PPIA: variants seen among roughly 807,000 people sequenced by gnomAD.
PPIA encodes peptidylprolyl isomerase A, also known as peptidyl-prolyl cis-trans isomerase A.
PPIA carries 2 observed loss-of-function variants against 15.3 expected under a neutral mutation model. The ratio of observed to expected loss-of-function variants is 0.13; its 90% CI spans 0.05 to 0.41. The LOEUF is 0.41. Among genes scored for constraint, PPIA ranks in the 10% least tolerant of loss-of-function variants. The probability of loss-of-function intolerance (pLI) is 0.99; values close to 1 mark genes in which losing one functional copy is unlikely to be tolerated. For missense variants in PPIA, 103 were observed against 210.3 expected (o/e 0.49, Z 3.16); for synonymous variants, 67 against 73.1 (o/e 0.92, Z 0.43).
rs1204832464 is a variant in PPIA at position 44,796,797 on chromosome 7, G to A, written c.69+4G>A. On this transcript the variant is annotated splice_donor_region_variant and intron_variant, in intron 1 of 4. Coordinates refer to ENST00000468812, the MANE Select transcript of PPIA (RefSeq NM_021130.5). ...CTTGGGCCGCGTCTCCTTTGAGGTC[G>A]GGCGGGCGGCGGCGTGCGGGAATGG... 6.2e-7 allele frequency: 1 copy of A among 1,604,010 alleles called. No individual in the cohort carries two copies. The highest frequency in any genetic ancestry group is 1.4e-5 in the African/African-American group (1 of 73,396).
rs988487824 is a variant in PPIA at position 44,802,706 on chromosome 7, CA to C, written c.*1287del. On this transcript the variant is annotated 3_prime_UTR_variant, in exon 5 of 5. Coordinates refer to ENST00000468812, the MANE Select transcript of PPIA (RefSeq NM_021130.5). ...TGGTTATGGAGGCTTTGAGGTTTTG[CA>C]AACCTGACCAATTTAAGCCATAAGA... The C allele has an allele frequency of 2.4e-4, 36 of 152,180 alleles. No individual in the cohort carries two copies. The highest frequency in any genetic ancestry group is 8.2e-4 in the African/African-American group (34 of 41,444). The allele number at this position is 152,180 out of a possible 1,614,324, so 9.4% of individuals were successfully genotyped here.
chr7:44,797,862 G>T (rs1361481457), intron 1 of PPIA: 1 of 152,136 alleles, frequency 6.6e-6, no homozygotes, highest in Non-Finnish European at 1.5e-5. Context: ...ATCTTATTCC[G>T]AAAATAGATT....
At chr7:44,801,168 A>T in intron 4 of PPIA, 119 bp from the exon 5 acceptor site, 1 of 1,151,930 alleles carries the variant, frequency 8.7e-7, no homozygotes, top group Non-Finnish European at 1.2e-6. Context: ...AATGACATTT[A>T]GTACAAAAGG....
rs1043597514 is a variant in PPIA, at chr7:44,801,628, A to G, written c.*206A>G. On this transcript the variant is annotated 3_prime_UTR_variant, in exon 5 of 5. Coordinates refer to ENST00000468812, the MANE Select transcript of PPIA (RefSeq NM_021130.5). ...ATTATGAAATAAAAACTAAATAACA[A>G]TTGTCCTCGTTTGAGTTAAGAGTGT... 1.3e-5 allele frequency: 6 copies of G among 477,914 alleles called. No individual in the cohort carries two copies. Among genetic ancestry groups the G allele is most frequent in the African/African-American group, 6.1e-5 (3 of 48,826 alleles). 29.6% of individuals were successfully genotyped at this position (477,914 alleles called of 1,614,324 possible). A position where few individuals can be genotyped will look rare whatever the true frequency, so the allele number is the denominator to read the frequency against.
intron 4 of PPIA, 119 bp downstream of exon 4, chr7:44,799,993 TAC>T: frequency 1.9e-6 from 2 of 1,033,870 alleles, no homozygotes; most frequent in Non-Finnish European, 2.9e-6. Flanking sequence ...ATCCCTAAGA[TAC>T]TAGAAGAAGA....
intron 4 of PPIA, among the ~76,000 whole-genome samples, chr7:44,800,919 G>A (rs1443559220): frequency 2.0e-5 from 3 of 152,050 alleles, no homozygotes; most frequent in Non-Finnish European, 2.9e-5. Context: ...CCAGGTTCAC[G>A]CCATTCTCCT....
At chr7:44,799,589 T>A in intron 3 of PPIA, 109 bp downstream of exon 3, 1 of 1,574,364 alleles carries the variant, frequency 6.4e-7, no homozygotes, top group Non-Finnish European at 8.7e-7. Flanking sequence ...CCATTTCGGT[T>A]CTATTTAACC....
chr7:44,799,413 C>G lies in PPIA; in HGVS notation c.122C>G (p.Thr41Ser). ...KTAENFRALSTGEKGFGYKGS... is the reference protein window; with the variant it reads ...KTAENFRALSSGEKGFGYKGS... The stretch of plus-strand genomic sequence containing the variant: ...ACAGAAAATTTTCGTGCTCTGAGCA[C>G]TGGAGAGAAAGGATTTGGTTATAAG... The change falls in exon 3 of 5, where the codon ACT becomes AGT. Residue 41 changes from threonine to serine, a missense_variant. Physicochemically the swap from Thr to Ser is moderately conservative, Grantham distance 58. Transcript: ENST00000468812. 6.2e-7 allele frequency: 1 copy of G among 1,612,950 alleles called. No individual in the cohort carries two copies. The highest frequency in any genetic ancestry group is 1.1e-5 in the South Asian group (1 of 91,060).
At chr7:44,797,614 C>T (rs1232164704) in intron 1 of PPIA, among the ~76,000 whole-genome samples, 6 of 152,152 alleles carry the variant, frequency 3.9e-5, no homozygotes, top group Admixed American at 6.5e-5. Flanking sequence ...AGGCCTCTTC[C>T]GACCAAGGTG....
intron 1 of PPIA, among the ~76,000 whole-genome samples, chr7:44,797,461 C>T (rs926978402): frequency 8.5e-5 from 13 of 152,130 alleles, no homozygotes; most frequent in African/African-American, 3.1e-4. Context: ...CACCCCCAAG[C>T]GGAAATGTGA....
intron 2 of PPIA, 21 bp from the exon 3 acceptor site, chr7:44,799,371 G>C (rs1275496151): frequency 6.2e-7 from 1 of 1,608,914 alleles, no homozygotes; most frequent in East Asian, 2.2e-5. Flanking sequence ...GTATATATGT[G>C]TTTAATTTTT....
intron 1 of PPIA, chr7:44,797,918 C>G (rs1264310979): frequency 6.6e-6 from 1 of 152,188 alleles, no homozygotes; most frequent in Non-Finnish European, 1.5e-5. Context: ...TCCTTGTTGC[C>G]TACCCTGTCC....
chr7:44,800,051 A>T, intron 4 of PPIA, 177 bp downstream of exon 4: 1 of 680,198 alleles, frequency 1.5e-6, no homozygotes. Flanking sequence ...AGAATGTCAG[A>T]TACTATGATA....
rs546503585 is a variant in PPIA, at chr7:44,802,966, C to G, written c.*1544C>G. The G allele has an allele frequency of 6.6e-5, 10 of 152,298 alleles. No homozygotes were observed. Among genetic ancestry groups the G allele is most frequent in the African/African-American group, 2.4e-4 (10 of 41,548 alleles). The allele number at this position is 152,298 out of a possible 1,614,324, so 9.4% of individuals were successfully genotyped here. On this transcript the variant is annotated 3_prime_UTR_variant, in exon 5 of 5. Coordinates refer to ENST00000468812, the MANE Select transcript of PPIA (RefSeq NM_021130.5). ...TTTTTGTTTTACTGTCTGGTTCCTT[C>G]TGCGTGAATTACCACCACCACCACT... is the stretch of plus-strand genomic sequence containing the variant.
Position 44,801,653 on chromosome 7 carries a change from T to C in PPIA, c.*231T>C. ...ATTGTCCTCGTTTGAGTTAAGAGTG[T>C]TGATGTAGGCTTTATTTTAAGCAGT... is the stretch of plus-strand genomic sequence containing the variant. On this transcript the variant is annotated 3_prime_UTR_variant, in exon 5 of 5. Coordinates refer to ENST00000468812, the MANE Select transcript of PPIA (RefSeq NM_021130.5). 1 of 414,422 alleles carries C rather than the reference T, an allele frequency of 2.4e-6. No homozygotes were observed. The highest frequency in any genetic ancestry group is 4.4e-6 in the Non-Finnish European group (1 of 226,104). The allele number at this position is 414,422 out of a possible 1,614,324, so 25.7% of individuals were successfully genotyped here.
rs759713152 is a variant in PPIA at position 44,796,690 on chromosome 7, A to T, written c.-35A>T. On this transcript the variant is annotated 5_prime_UTR_variant, in exon 1 of 5. Coordinates refer to ENST00000468812, the MANE Select transcript of PPIA (RefSeq NM_021130.5). Reference sequence around the variant, plus strand: ...AGGCCAGGCTCGTGCCGTTTTGCAGACGCCACCGCCGAGGAAAACCGTGTA... The same window carrying T: ...AGGCCAGGCTCGTGCCGTTTTGCAGTCGCCACCGCCGAGGAAAACCGTGTA... The T allele has an allele frequency of 2.5e-6, 4 of 1,603,798 alleles. No homozygotes were observed. The African/African-American group carries it at 4.0e-5, about 16-fold the overall frequency.
intron 4 of PPIA, 60 bp downstream of exon 4, chr7:44,799,934 A>G (rs1792495459): frequency 6.5e-7 from 1 of 1,528,972 alleles, no homozygotes; most frequent in Non-Finnish European, 9.0e-7. Context: ...CCTGGGGGGA[A>G]CGGAACAAAC....
intron 2 of PPIA, 43 bp downstream of exon 2, chr7:44,799,320 A>G (rs1583690598): frequency 6.2e-7 from 1 of 1,610,046 alleles, no homozygotes; most frequent in African/African-American, 1.3e-5. Context: ...TCCAATTGTG[A>G]CAGTTTGTGT....
At position 44,800,934 on chromosome 7, in the gene PPIA, C is replaced by T. The variant is rs1003240232; in HGVS notation, c.363-353C>T. Among the ~76,000 whole-genome samples, 9 of 152,274 alleles carry T rather than the reference C, an allele frequency of 5.9e-5. No individual in the cohort carries two copies. The East Asian group carries it at 1.5e-3, about 26-fold the overall frequency. ...CCAGGTTCACGCCATTCTCCTGCCT[C>T]AGCCTCCCGAGTAGCTGGGACTATA... On this transcript the variant is annotated intron_variant, in intron 4 of 4. Coordinates refer to ENST00000468812, the MANE Select transcript of PPIA (RefSeq NM_021130.5).
Sources: gnomAD v4.1 joint callset for allele counts (sites outside exome capture counted in the v4.1 genomes callset) on GRCh38, gnomAD v4.1.1 for gene constraint, MANE v1.5 for transcripts, NCBI Gene and HGNC (gene_info 2026-07-23, HGNC 2026-07-21) for gene names.